The following GRID1 variants were observed in gnomAD, a reference collection of about 807,000 sequenced individuals.
GRID1 encodes the protein glutamate receptor ionotropic, delta-1.
Under a neutral mutation model 98.0 loss-of-function variants are expected in GRID1, and 28 were observed. That is an observed-to-expected ratio of 0.29 (90% CI 0.21 to 0.39). The LOEUF is 0.39. GRID1 is among the 10% of genes least tolerant of loss of function. The pLI, the probability that GRID1 is intolerant of heterozygous loss-of-function variation, is 1.00. For synonymous variants in GRID1, 553 were observed against 538.5 expected (o/e 1.03, Z -0.37); for missense variants, 1,111 against 1,340.5 (o/e 0.83, Z 2.67).
At chr10:85,720,642 A>AAAAG (rs984609428) in intron 12 of GRID1, among the ~76,000 whole-genome samples, 12 of 151,742 alleles carry the variant, frequency 7.9e-5, no homozygotes, top group Middle Eastern at 3.4e-3. Context: ...ACAAAAAAAA[A>AAAAG]AAAGAAAGAA....
Position 85,863,047 on chromosome 10 carries a change from C to T in GRID1, c.951+5963G>A, listed in dbSNP as rs535498230. ...AAATGCCCCACCCAACTCCCCATCGCGTACAACACCGGCTCTGGGCTCTGA... is the reference window on the plus strand; with the variant it reads ...AAATGCCCCACCCAACTCCCCATCGTGTACAACACCGGCTCTGGGCTCTGA... On this transcript the variant is annotated intron_variant, in intron 6 of 15. Coordinates refer to ENST00000327946, the MANE Select transcript of GRID1 (RefSeq NM_017551.3). 1.2e-3 allele frequency among the ~76,000 whole-genome samples: 178 copies of T among 152,188 alleles called. 1 individual carries two copies. The highest frequency in any genetic ancestry group is 2.1e-3 in the Non-Finnish European group (141 of 68,040).
intron 2 of GRID1, among the ~76,000 whole-genome samples, chr10:86,355,488 T>TA (rs1848522083): frequency 6.6e-6 from 1 of 152,214 alleles, no homozygotes; most frequent in South Asian, 2.1e-4. Context: ...AGGGGCAGCC[T>TA]GGGCTCAGGA....
chr10:86,134,796 C>T (rs909017457), intron 4 of GRID1, among the ~76,000 whole-genome samples: 2 of 152,164 alleles, frequency 1.3e-5, no homozygotes, highest in African/African-American at 2.4e-5. Context: ...AGGAAGCTTC[C>T]GTTGACCTTC....
chr10:86,173,990 G>T (rs1052336940), intron 3 of GRID1, among the ~76,000 whole-genome samples: 1 of 152,078 alleles, frequency 6.6e-6, no homozygotes, highest in African/African-American at 2.4e-5. Flanking sequence ...TGGACTTCTG[G>T]GTTGGTTCCA....
chr10:86,208,939 A>G (rs1846071847), intron 2 of GRID1, among the ~76,000 whole-genome samples: 1 of 152,234 alleles, frequency 6.6e-6, no homozygotes, highest in Non-Finnish European at 1.5e-5. Flanking sequence ...CTAATGATCT[A>G]AAAGATGCAA....
intron 2 of GRID1, among the ~76,000 whole-genome samples, chr10:86,361,571 A>G (rs1848601153): frequency 6.6e-6 from 1 of 152,212 alleles, no homozygotes; most frequent in African/African-American, 2.4e-5. Context: ...AGAGAAACCA[A>G]GACCCAGAAA....
chr10:85,907,740 A>T (rs1841482511), intron 5 of GRID1, among the ~76,000 whole-genome samples: 1 of 152,214 alleles, frequency 6.6e-6, no homozygotes, highest in Non-Finnish European at 1.5e-5. Flanking sequence ...AAATACCAAT[A>T]TACCTGGTGA....
chr10:86,054,155 T>C (rs1417474085), intron 4 of GRID1, among the ~76,000 whole-genome samples: 1 of 151,002 alleles, frequency 6.6e-6, no homozygotes, highest in Non-Finnish European at 1.5e-5. Flanking sequence ...AGTGTTATCA[T>C]CCCAGGCAGG....
chr10:86,365,509 C>A lies in GRID1; in HGVS notation c.79+805G>T, dbSNP rs982436265. ...TGCGCTTTCATCTTCTCTCCCGGTT[C>A]TCTCTCTCTATCCATCTCTTCCCGC... On this transcript the variant is annotated intron_variant, in intron 1 of 15. Coordinates refer to ENST00000327946, the MANE Select transcript of GRID1 (RefSeq NM_017551.3). This position sits in a 1 kb window ranked among gnomAD's most constrained non-coding sequence, Gnocchi z 4.8. 1.3e-5 allele frequency among the ~76,000 whole-genome samples: 2 copies of A among 150,768 alleles called. No individual in the cohort carries two copies. The highest frequency in any genetic ancestry group is 3.0e-5 in the Non-Finnish European group (2 of 67,308).
chr10:86,184,437 G>A (rs1293891057), intron 3 of GRID1, among the ~76,000 whole-genome samples: 1 of 147,536 alleles, frequency 6.8e-6, no homozygotes, highest in Non-Finnish European at 1.5e-5. Context: ...TACAGGCAAG[G>A]TGATTGTAGT....
chr10:85,763,989 G>A (rs1231105937), intron 8 of GRID1, among the ~76,000 whole-genome samples: 1 of 152,074 alleles, frequency 6.6e-6, no homozygotes, highest in Non-Finnish European at 1.5e-5. Flanking sequence ...TTACAGATGA[G>A]GCCACAGAGA....
At chr10:85,787,843 C>T (rs886136278) in intron 8 of GRID1, among the ~76,000 whole-genome samples, 1 of 152,116 alleles carries the variant, frequency 6.6e-6, no homozygotes, top group Non-Finnish European at 1.5e-5. Flanking sequence ...ACCAGCCACT[C>T]CCTCTCTCCG....
chr10:85,669,590 T>C (rs114141993), intron 12 of GRID1, among the ~76,000 whole-genome samples: 43 of 152,186 alleles, frequency 2.8e-4, no homozygotes, highest in African/African-American at 1.0e-3. Flanking sequence ...CATGACTTCC[T>C]CTTGAATCTC....
intron 6 of GRID1, among the ~76,000 whole-genome samples, chr10:85,860,324 A>G (rs183694395): frequency 2.8e-4 from 42 of 152,354 alleles, no homozygotes; most frequent in African/African-American, 9.9e-4. Context: ...CCAGGAACCA[A>G]AAAAGCATTC....
At chr10:86,325,232 G>T (rs1255257492) in intron 2 of GRID1, among the ~76,000 whole-genome samples, 1 of 152,160 alleles carries the variant, frequency 6.6e-6, no homozygotes, top group Non-Finnish European at 1.5e-5. Flanking sequence ...TACATTCTAA[G>T]TTCTGGTTTA....
intron 2 of GRID1, among the ~76,000 whole-genome samples, chr10:86,229,128 CCT>C (rs1564712691): frequency 6.6e-6 from 1 of 152,100 alleles, no homozygotes; most frequent in African/African-American, 2.4e-5. Flanking sequence ...CTTTGTGAAC[CCT>C]GACTCAGCCC....
intron 2 of GRID1, among the ~76,000 whole-genome samples, chr10:86,277,763 A>T (rs1041678745): frequency 2.6e-5 from 4 of 152,216 alleles, no homozygotes; most frequent in Non-Finnish European, 5.9e-5. Flanking sequence ...TAAACACAAA[A>T]GAAGCCATTA....
rs140830401 is a variant in GRID1, at chr10:86,000,490, A to G, written c.727-84251T>C. On this transcript the variant is annotated intron_variant, in intron 4 of 15. Coordinates refer to ENST00000327946, the MANE Select transcript of GRID1 (RefSeq NM_017551.3). Reference sequence around the variant, plus strand: ...AACAGCTAAACACTGTTGAAAAATCAGTTGAAGAAATCACTCTAATCAATT... The same window carrying G: ...AACAGCTAAACACTGTTGAAAAATCGGTTGAAGAAATCACTCTAATCAATT... 8.7e-3 allele frequency among the ~76,000 whole-genome samples: 1,325 copies of G among 152,360 alleles called. 23 individuals carry two copies. Among genetic ancestry groups the G allele is most frequent in the African/African-American group, 0.03 (1,238 of 41,574 alleles).
intron 3 of GRID1, among the ~76,000 whole-genome samples, chr10:86,165,245 A>G (rs1010802909): frequency 6.6e-6 from 1 of 152,268 alleles, no homozygotes; most frequent in Non-Finnish European, 1.5e-5. Flanking sequence ...CAGAGTGGGC[A>G]GAAAGCCCTG....
Sources: allele counts gnomAD v4.1 joint callset (sites outside exome capture counted in the v4.1 genomes callset), GRCh38; gene constraint gnomAD v4.1.1; non-coding constraint Gnocchi (gnomAD v3.1); transcripts MANE v1.5; gene names NCBI Gene and HGNC (gene_info 2026-07-23, HGNC 2026-07-21).